The following PCM1 variants were observed in gnomAD, a reference collection of about 807,000 sequenced individuals.
PCM1 encodes pericentriolar material 1 protein.
PCM1 carries 157 observed loss-of-function variants against 241.9 expected under a neutral mutation model. That is an observed-to-expected ratio of 0.65 (90% confidence interval 0.57 to 0.74). The LOEUF (loss-of-function observed/expected upper bound fraction) is 0.74. Among genes scored for constraint, PCM1 ranks in the 30% least tolerant of loss-of-function variants. The pLI is 0.00. For missense variants in PCM1, 3,478 were observed against 2,360.1 expected (o/e 1.47, Z -9.81); for synonymous variants, 1,085 against 784.9 (o/e 1.38, Z -6.39).
intron 9 of PCM1, among the ~76,000 whole-genome samples, 154 bp from the exon 10 acceptor site, chr8:17,955,316 G>T (rs936177267): frequency 6.6e-6 from 1 of 152,144 alleles, no homozygotes; most frequent in Non-Finnish European, 1.5e-5. Context: ...TTTAATTGTG[G>T]AGTAAGTTAA....
At chr8:17,966,938 C>G (rs979589716) in intron 20 of PCM1, 42 bp from the exon 21 acceptor site, 1 of 1,499,506 alleles carries the variant, frequency 6.7e-7, no homozygotes, top group Non-Finnish European at 9.1e-7. Context: ...ATATATATGG[C>G]AATATAACTG....
intron 36 of PCM1, among the ~76,000 whole-genome samples, chr8:18,021,732 G>C (rs2093770135): frequency 6.6e-6 from 1 of 152,116 alleles, no homozygotes; most frequent in African/African-American, 2.4e-5. Flanking sequence ...TTGTCAGCTG[G>C]ATTACCTTGG....
chr8:17,989,577 A>C (rs1422728360), intron 26 of PCM1, among the ~76,000 whole-genome samples: 2 of 152,050 alleles, frequency 1.3e-5, no homozygotes, highest in Non-Finnish European at 2.9e-5. Context: ...GTAAAATGTT[A>C]ACTTTGCCAA....
chr8:17,976,024 G>A (rs192035471), intron 23 of PCM1, among the ~76,000 whole-genome samples: 2 of 152,148 alleles, frequency 1.3e-5, no homozygotes, highest in Non-Finnish European at 1.5e-5. Flanking sequence ...AAATTGGATA[G>A]AACTGTTAAG....
intron 18 of PCM1, 146 bp from the exon 19 acceptor site, chr8:17,965,853 C>T (rs2074679409): frequency 1.1e-5 from 6 of 560,618 alleles, no homozygotes; most frequent in South Asian, 9.4e-5. Flanking sequence ...TGGACTTCTC[C>T]CCCCTCTATA....
At chr8:17,988,780 A>G (rs2083450973) in intron 26 of PCM1, among the ~76,000 whole-genome samples, 1 of 151,932 alleles carries the variant, frequency 6.6e-6, no homozygotes. Flanking sequence ...ACTTCACATC[A>G]AGAATGGCTA....
intron 23 of PCM1, among the ~76,000 whole-genome samples, chr8:17,977,341 G>A (rs1403823993): frequency 6.6e-6 from 1 of 152,238 alleles, no homozygotes; most frequent in East Asian, 1.9e-4. Flanking sequence ...AAAAAACCTG[G>A]AACCTAAAGT....
At position 17,989,893 on chromosome 8, in the gene PCM1, A is replaced by G. The variant is rs372028178; in HGVS notation, c.4445A>G (p.His1482Arg). 2.6e-5 allele frequency: 40 copies of G among 1,546,542 alleles called. No homozygotes were observed. The highest frequency in any genetic ancestry group is 1.7e-4 in the Middle Eastern group (1 of 5,980). The part of the protein sequence containing the change: ...TFEKNFERET[H>R]KISEQNDADN... Reference sequence around the variant, plus strand: ...GAGAAGAACTTTGAAAGAGAAACCCATAAAATAAGTGAGCAAAATGATGCT... The same window carrying G: ...GAGAAGAACTTTGAAAGAGAAACCCGTAAAATAAGTGAGCAAAATGATGCT... The change falls in exon 27 of 39, where the codon CAT becomes CGT. Residue 1482 changes from histidine to arginine, a missense_variant. Transcript: ENST00000325083.
intron 22 of PCM1, among the ~76,000 whole-genome samples, chr8:17,970,702 A>G (rs2076546191): frequency 6.6e-6 from 1 of 152,220 alleles, no homozygotes; most frequent in South Asian, 2.1e-4. Context: ...TTCGGTGAAT[A>G]GACTTTCCTA....
Position 18,027,939 on chromosome 8 carries a change from G to A in PCM1, c.*277G>A, listed in dbSNP as rs115144340. 1.7e-3 allele frequency: 595 copies of A among 344,326 alleles called. 2 individuals carry two copies. Among genetic ancestry groups the A allele is most frequent in the African/African-American group, 0.011 (531 of 47,188 alleles). 21.3% of individuals were successfully genotyped at this position (344,326 alleles called of 1,614,324 possible). On this transcript the variant is annotated 3_prime_UTR_variant, in exon 39 of 39. Transcript: ENST00000325083. ...TGATGTTTGGTAACGAATTTAAAATGTAGTTTTAAATAAAGTTTGGACTTA... is the reference window on the plus strand; with the variant it reads ...TGATGTTTGGTAACGAATTTAAAATATAGTTTTAAATAAAGTTTGGACTTA...
At chr8:17,937,840 A>G (rs2060849396) in intron 4 of PCM1, among the ~76,000 whole-genome samples, 1 of 152,178 alleles carries the variant, frequency 6.6e-6, no homozygotes, top group Admixed American at 6.5e-5. Context: ...TTCTTGAGAG[A>G]TATTTTACTC....
At chr8:17,946,831 CAG>C (rs1491453774) in intron 6 of PCM1, among the ~76,000 whole-genome samples, 1 of 107,396 alleles carries the variant, frequency 9.3e-6, no homozygotes, top group Non-Finnish European at 1.8e-5. Flanking sequence ...CTAGATTCTT[CAG>C]TGTGTGTGTG....
At chr8:17,947,565 G>A (rs980226652) in intron 7 of PCM1, among the ~76,000 whole-genome samples, 1 of 152,198 alleles carries the variant, frequency 6.6e-6, no homozygotes, top group African/African-American at 2.4e-5. Context: ...ACTATACCAT[G>A]CAGATAGCCA....
intron 8 of PCM1, among the ~76,000 whole-genome samples, chr8:17,952,100 G>A (rs370371374): frequency 6.6e-6 from 1 of 151,990 alleles, no homozygotes; most frequent in African/African-American, 2.4e-5. Context: ...GCATGCACCT[G>A]TAATCTCAGC....
intron 29 of PCM1, among the ~76,000 whole-genome samples, chr8:18,001,628 ATTG>A (rs1449134921): frequency 1.3e-5 from 2 of 152,206 alleles, no homozygotes; most frequent in East Asian, 3.8e-4. Flanking sequence ...GTGAAAAGTA[ATTG>A]TTTTCTTTTC....
In PCM1 at chr8:18,029,156, C is replaced by CAAAAAAAAA. The variant is rs11333913; in HGVS notation, c.*1512_*1520dup. ...CTGGCAACAGAGCGAGACTCTGTCTCAAAAAAAAAAAAAAAAAAAAAAAAA... is the reference window on the plus strand; with the variant it reads ...CTGGCAACAGAGCGAGACTCTGTCTCAAAAAAAAAAAAAAAAAAAAAAAAAAAAAAAAAA... On this transcript the variant is annotated 3_prime_UTR_variant, in exon 39 of 39. Coordinates refer to ENST00000325083, the MANE Select transcript of PCM1 (RefSeq NM_006197.4). 1.8e-5 allele frequency: 1 copy of CAAAAAAAAA among 55,846 alleles called. No individual in the cohort carries two copies. The highest frequency in any genetic ancestry group is 3.3e-5 in the Non-Finnish European group (1 of 30,714). 3.5% of individuals were successfully genotyped at this position (55,846 alleles called of 1,614,324 possible). A position where few individuals can be genotyped will look rare whatever the true frequency, so the allele number is the denominator to read the frequency against.
In PCM1 at chr8:18,025,421, G is replaced by A; in HGVS notation, c.5902G>A (p.Asp1968Asn). The A allele has an allele frequency of 6.2e-7, 1 of 1,601,938 alleles. No individual in the cohort carries two copies. The highest frequency in any genetic ancestry group is 8.5e-7 in the Non-Finnish European group (1 of 1,171,724). ...TGAAGAAGATTTTGTAAAAGTTGAAGATTTACCACTGAAACTGACAATATA... is the reference window on the plus strand; with the variant it reads ...TGAAGAAGATTTTGTAAAAGTTGAAAATTTACCACTGAAACTGACAATATA... Reference protein sequence around the residue: ...SDEEDFVKVEDLPLKLTIYSE... With the variant: ...SDEEDFVKVENLPLKLTIYSE... Residue 1968 changes from aspartate to asparagine, a missense_variant, in exon 37 of 39, where the codon GAT becomes AAT. Asp to Asn is a conservative substitution (Grantham distance 23). Coordinates refer to ENST00000325083, the MANE Select transcript of PCM1 (RefSeq NM_006197.4).
intron 6 of PCM1, 86 bp from the exon 7 acceptor site, chr8:17,947,100 C>T (rs746696848): frequency 4.2e-6 from 3 of 716,690 alleles, no homozygotes; most frequent in Non-Finnish European, 6.9e-6. Context: ...AATTTGTTAT[C>T]AATGTGTATA....
At chr8:17,939,371 A>ATT (rs1419601727) in intron 5 of PCM1, among the ~76,000 whole-genome samples, 4 of 32,698 alleles carry the variant, frequency 1.2e-4, no homozygotes, top group African/African-American at 5.2e-4. Flanking sequence ...CATTTAATTA[A>ATT]TTTATAAACA....
Sources: allele counts gnomAD v4.1 joint callset (sites outside exome capture counted in the v4.1 genomes callset), GRCh38; gene constraint gnomAD v4.1.1; transcripts MANE v1.5; gene names NCBI Gene and HGNC (gene_info 2026-07-23, HGNC 2026-07-21).